The following DLG2 variants were observed in gnomAD, a reference collection of about 807,000 sequenced individuals.
The protein encoded by DLG2 is disks large homolog 2.
In DLG2, 45 loss-of-function variants were observed where a neutral mutation model predicts 132.5. The ratio of observed to expected loss-of-function variants is 0.34; its 90% CI spans 0.27 to 0.44. The LOEUF is 0.44. DLG2 is among the 20% of genes least tolerant of loss of function. DLG2 has a pLI of 1.00. For missense variants in DLG2, 1,045 were observed against 1,196.9 expected (o/e 0.87, Z 1.87); for synonymous variants, 424 against 419.6 (o/e 1.01, Z -0.13).
chr11:84,276,183 T>C (rs938232913), intron 7 of DLG2, among the ~76,000 whole-genome samples: 58 of 152,224 alleles, frequency 3.8e-4, no homozygotes, highest in Non-Finnish European at 2.9e-4. Flanking sequence ...GTGAAAATCT[T>C]CTTAAACCTC....
chr11:84,964,300 G>GA (rs1344677869), intron 6 of DLG2, among the ~76,000 whole-genome samples: 3 of 152,058 alleles, frequency 2.0e-5, no homozygotes, highest in Non-Finnish European at 4.4e-5. Context: ...GATAATATCT[G>GA]ATCCTTGGCA....
rs1056932646 is a variant in DLG2, at chr11:83,918,687, T to C, written c.1496+11641A>G. ...ACAGGAACAGAGCTGCTGTGGAAGA[T>C]AGAAAGTGAAGTAAAGTCCCTGCCT... On this transcript the variant is annotated intron_variant, in intron 15 of 27. Transcript: ENST00000376104. Among the ~76,000 whole-genome samples, 4 of 152,004 alleles carry C rather than the reference T, an allele frequency of 2.6e-5. No individual in the cohort carries two copies. The East Asian group carries it at 5.8e-4, about 22-fold the overall frequency.
intron 18 of DLG2, among the ~76,000 whole-genome samples, chr11:83,655,218 C>T (rs1242959275): frequency 6.6e-6 from 1 of 152,024 alleles, no homozygotes; most frequent in Non-Finnish European, 1.5e-5. Context: ...CAGTGCCTAG[C>T]ACATAATCAG....
chr11:84,565,708 T>C (rs2099451154), intron 6 of DLG2, among the ~76,000 whole-genome samples: 1 of 152,130 alleles, frequency 6.6e-6, no homozygotes, highest in African/African-American at 2.4e-5. Flanking sequence ...AATTGGTGCT[T>C]ATGAGAATAG....
intron 10 of DLG2, among the ~76,000 whole-genome samples, chr11:84,095,420 G>C (rs1337206925): frequency 6.6e-6 from 1 of 152,174 alleles, no homozygotes; most frequent in African/African-American, 2.4e-5. Flanking sequence ...GTTACATACA[G>C]AAGTTAGAAC....
At chr11:83,489,361 AT>A (rs1415227008) in intron 21 of DLG2, among the ~76,000 whole-genome samples, 6 of 151,998 alleles carry the variant, frequency 3.9e-5, no homozygotes, top group Non-Finnish European at 8.8e-5. Flanking sequence ...TCTATATAAA[AT>A]TGCAAGAAAC....
chr11:83,896,772 G>A (rs9667614), intron 15 of DLG2, among the ~76,000 whole-genome samples: 14,847 of 152,202 alleles, frequency 0.098, 846 homozygotes, highest in Middle Eastern at 0.2. Flanking sequence ...GGTGATGGAT[G>A]TAACACTGGG....
intron 18 of DLG2, among the ~76,000 whole-genome samples, chr11:83,774,950 GGC>G (rs2094527928): frequency 6.6e-6 from 1 of 151,924 alleles, no homozygotes; most frequent in Non-Finnish European, 1.5e-5. Flanking sequence ...GACAGCTTGG[GGC>G]CAAACTATTC....
At chr11:84,121,560 T>TGAGA in intron 9 of DLG2, among the ~76,000 whole-genome samples, 2 of 102,180 alleles carry the variant, frequency 2.0e-5, no homozygotes, top group Admixed American at 1.0e-4. Flanking sequence ...TTTTTTTTTT[T>TGAGA]TTTTTTTTTT....
intron 19 of DLG2, among the ~76,000 whole-genome samples, chr11:83,549,790 C>A (rs1182456860): frequency 2.0e-5 from 3 of 152,058 alleles, no homozygotes; most frequent in Non-Finnish European, 2.9e-5. Flanking sequence ...AGAGGAGGCA[C>A]CCTGGAAGTA....
At chr11:84,855,602 G>A (rs1022325964) in intron 6 of DLG2, among the ~76,000 whole-genome samples, 7 of 151,992 alleles carry the variant, frequency 4.6e-5, no homozygotes, top group African/African-American at 1.7e-4. Flanking sequence ...GCTCTTCCAA[G>A]GTGGTCACTC....
intron 17 of DLG2, among the ~76,000 whole-genome samples, chr11:83,824,281 C>A (rs2051810683): frequency 6.6e-6 from 1 of 152,140 alleles, no homozygotes; most frequent in Admixed American, 6.5e-5. Flanking sequence ...AGGATGGTCT[C>A]TTCTTTACGC....
At chr11:84,645,146 G>A (rs1253402381) in intron 6 of DLG2, among the ~76,000 whole-genome samples, 2 of 152,134 alleles carry the variant, frequency 1.3e-5, no homozygotes, top group Admixed American at 6.5e-5. Context: ...AGAGGGAACT[G>A]GTTATGAAGG....
chr11:84,170,368 A>C (rs1020792720), intron 8 of DLG2, among the ~76,000 whole-genome samples: 1 of 152,218 alleles, frequency 6.6e-6, no homozygotes, highest in African/African-American at 2.4e-5. Flanking sequence ...TGGTATAATG[A>C]TAAGCACTGG....
chr11:85,245,299 C>T (rs2076078471), intron 4 of DLG2, among the ~76,000 whole-genome samples: 1 of 151,942 alleles, frequency 6.6e-6, no homozygotes, highest in Non-Finnish European at 1.5e-5. Flanking sequence ...GCTATATCTT[C>T]CCCACCTCCA....
chr11:83,911,760 A>T (rs966326317), intron 15 of DLG2, among the ~76,000 whole-genome samples: 8 of 152,170 alleles, frequency 5.3e-5, no homozygotes. Context: ...ATAATGAATC[A>T]GCGAAAATAG....
rs568748753 is a variant in DLG2 at position 84,352,074 on chromosome 11, C to A, written c.520-100783G>T. Among the ~76,000 whole-genome samples the A allele has an allele frequency of 4.7e-4, 71 of 152,260 alleles. 2 individuals carry two copies. The South Asian group carries it at 0.013, about 27-fold the overall frequency. ...TGGAAAGGTTTATTGATTCATAGAACCTTTTTAAACAAATGAGGCAATGCA... is the reference window on the plus strand; with the variant it reads ...TGGAAAGGTTTATTGATTCATAGAAACTTTTTAAACAAATGAGGCAATGCA... On this transcript the variant is annotated intron_variant, in intron 7 of 27. Transcript: ENST00000376104.
chr11:84,623,706 C>T (rs2099617667), intron 6 of DLG2, among the ~76,000 whole-genome samples: 1 of 152,094 alleles, frequency 6.6e-6, no homozygotes, highest in Non-Finnish European at 1.5e-5. Context: ...ACAATGCATA[C>T]ACATAGTATT....
At chr11:84,492,152 A>G (rs1294219889) in intron 7 of DLG2, among the ~76,000 whole-genome samples, 1 of 152,270 alleles carries the variant, frequency 6.6e-6, no homozygotes, top group East Asian at 1.9e-4. Context: ...GTTACACTTA[A>G]GAAGAGAGGC....
Sources: gnomAD v4.1 joint callset for allele counts (sites outside exome capture counted in the v4.1 genomes callset) on GRCh38, gnomAD v4.1.1 for gene constraint, MANE v1.5 for transcripts, NCBI Gene and HGNC (gene_info 2026-07-23, HGNC 2026-07-21) for gene names.